Variants in BAAT observed in about 807,000 individuals in gnomAD.
The protein encoded by BAAT is bile acid CoA: amino acid N-acyltransferase (glycine N-choloyltransferase).
A neutral mutation model predicts 18.9 loss-of-function variants in BAAT; 13 were observed. That is an observed-to-expected ratio of 0.69 (90% CI 0.45 to 1.10). The LOEUF is 1.10. Ranked by LOEUF, BAAT falls within the 50% of genes least tolerant of loss-of-function variation. The pLI is 0.00. For synonymous variants in BAAT, 170 were observed against 190.7 expected (o/e 0.89, Z 0.89); for missense variants, 489 against 504.0 (o/e 0.97, Z 0.28).
chr9:101,365,440 T>A (rs1343583137), intron 3 of BAAT, among the ~76,000 whole-genome samples: 1 of 152,124 alleles, frequency 6.6e-6, no homozygotes, highest in Non-Finnish European at 1.5e-5. Context: ...TTTCCTACCC[T>A]GTATATTTAA....
At chr9:101,366,949 T>C (rs1477391119) in intron 3 of BAAT, among the ~76,000 whole-genome samples, 1 of 151,388 alleles carries the variant, frequency 6.6e-6, no homozygotes, top group Non-Finnish European at 1.5e-5. Flanking sequence ...CCGTCTCTAC[T>C]AAAAATACAA....
In BAAT at chr9:101,362,359, C is replaced by T. The variant is rs1829741506; in HGVS notation, c.*69G>A. The T allele has an allele frequency of 6.7e-7, 1 of 1,491,698 alleles. No individual in the cohort carries two copies. Among genetic ancestry groups the T allele is most frequent in the African/African-American group, 1.4e-5 (1 of 72,422 alleles). The allele number at this position is 1,491,698 out of a possible 1,614,324, so 92.4% of individuals were successfully genotyped here. ...TGTGGCAGCTGGGGGAGACATTCCGCCATGAAAATTGAGAGAAGGTCCCGG... is the reference window on the plus strand; with the variant it reads ...TGTGGCAGCTGGGGGAGACATTCCGTCATGAAAATTGAGAGAAGGTCCCGG... On this transcript the variant is annotated 3_prime_UTR_variant, in exon 4 of 4. Coordinates refer to ENST00000259407, the MANE Select transcript of BAAT (RefSeq NM_001701.4).
In BAAT at chr9:101,361,542, G is replaced by T. The variant is rs1033718581; in HGVS notation, c.*886C>A. On this transcript the variant is annotated 3_prime_UTR_variant, in exon 4 of 4. Coordinates refer to ENST00000259407, the MANE Select transcript of BAAT (RefSeq NM_001701.4). The stretch of plus-strand genomic sequence containing the variant: ...AACTATTGGGTCTTACGGAAATATA[G>T]TACCTGTCCTTATAGAGCTCACATT... 1 of 152,558 alleles carries T rather than the reference G, an allele frequency of 6.6e-6. No homozygotes were observed. The highest frequency in any genetic ancestry group is 1.5e-5 in the Non-Finnish European group (1 of 68,034). The allele number at this position is 152,558 out of a possible 1,614,324, so 9.5% of individuals were successfully genotyped here.
rs1829941973 is a variant in BAAT at position 101,371,392 on chromosome 9, T to C, written c.13A>G (p.Thr5Ala). The C allele has an allele frequency of 6.2e-7, 1 of 1,610,108 alleles. No homozygotes were observed. The highest frequency in any genetic ancestry group is 8.5e-7 in the Non-Finnish European group (1 of 1,179,968). MIQL[T>A]ATPVSALVDE... ...ACAAGTGCACTCACAGGGGTAGCTGTCAACTGGATCATTTTTTTAGTGTGG... is the reference window on the plus strand; with the variant it reads ...ACAAGTGCACTCACAGGGGTAGCTGCCAACTGGATCATTTTTTTAGTGTGG... Residue 5 changes from threonine to alanine, a missense_variant, in exon 2 of 4, where the codon ACA becomes GCA. Transcript: ENST00000259407.
rs778142650 is a variant in BAAT, at chr9:101,362,689, G to A, written c.996C>T (p.Asn332=). The part of the protein sequence containing the change: ...FIVGEGDKTI[N]SKAHAEQAIG... ...TGGCTTGTTCAGCGTGTGCTTTGCTGTTGATAGTCTTATCACCTTCTCCTA... is the reference window on the plus strand; with the variant it reads ...TGGCTTGTTCAGCGTGTGCTTTGCTATTGATAGTCTTATCACCTTCTCCTA... The change falls in exon 4 of 4, where the codon AAC becomes AAT. Residue 332 remains asparagine (N), a synonymous_variant. Transcript: ENST00000259407. 1.2e-6 allele frequency: 2 copies of A among 1,614,182 alleles called. No homozygotes were observed. The highest frequency in any genetic ancestry group is 1.7e-6 in the Non-Finnish European group (2 of 1,180,026).
Position 101,362,953 on chromosome 9 carries a change from CATAG to C in BAAT, c.728_731del (p.Ser243TrpfsTer5), listed in dbSNP as rs747287046. ...CTGTGACTTGCTTTAGGTAAATAGC[CATAG>C]ATAGTCCAATCTGTACTCCTTGACA... On this transcript the variant is annotated frameshift_variant, in exon 4 of 4. Coordinates refer to ENST00000259407, the MANE Select transcript of BAAT (RefSeq NM_001701.4). LOFTEE classifies it low-confidence loss of function (END_TRUNC). The C allele has an allele frequency of 2.5e-6, 4 of 1,613,890 alleles. No homozygotes were observed. In the South Asian group the frequency reaches 4.4e-5, roughly 18 times the overall value.
At chr9:101,367,014 A>C (rs970634811) in intron 3 of BAAT, among the ~76,000 whole-genome samples, 1 of 150,348 alleles carries the variant, frequency 6.7e-6, no homozygotes, top group African/African-American at 2.4e-5. Context: ...CAGGAGGCTA[A>C]GGTAGGAAAA....
Position 101,362,526 on chromosome 9 carries a change from C to T in BAAT, c.1159G>A (p.Glu387Lys), listed in dbSNP as rs1417406323. 2 of 1,614,094 alleles carry T rather than the reference C, an allele frequency of 1.2e-6. No homozygotes were observed. Among genetic ancestry groups the T allele is most frequent in the South Asian group, 2.2e-5 (2 of 91,078 alleles). Residue 387 changes from glutamate to lysine, a missense_variant, in exon 4 of 4, where the codon GAG becomes AAG. Physicochemically the swap from Glu to Lys is moderately conservative, Grantham distance 56 (BLOSUM62 1). Transcript: ENST00000259407. ...TGTGCAGCTGCGTGTGGGATCACCT[C>T]TCCTCCCCAGTGTAACCTCAAATCG... is the stretch of plus-strand genomic sequence containing the variant. ...THDLRLHWGG[E>K]VIPHAAAQEH...
In BAAT at chr9:101,362,556, T is replaced by G; in HGVS notation, c.1129A>C (p.Thr377Pro). 6.2e-7 allele frequency: 1 copy of G among 1,614,008 alleles called. No individual in the cohort carries two copies. Among genetic ancestry groups the G allele is most frequent in the Non-Finnish European group, 8.5e-7 (1 of 1,179,998 alleles). Residue 377 changes from threonine (T) to proline (P), a missense_variant, in exon 4 of 4, where the codon ACC becomes CCC. By Grantham distance (38) the Thr-to-Pro change is conservative. Transcript: ENST00000259407. ...CCCCAGTGTAACCTCAAATCGTGGG[T>G]CGTTGAGGCACAGCACAGAGGAGAA... ...PYSPLCCAST[T>P]HDLRLHWGGE... is the part of the protein sequence containing the mutation.
intron 3 of BAAT, among the ~76,000 whole-genome samples, chr9:101,366,863 A>G (rs1272209582): frequency 1.3e-5 from 2 of 151,894 alleles, no homozygotes; most frequent in African/African-American, 2.4e-5. Context: ...CTTATTAAAA[A>G]AAAAAATAGA....
At chr9:101,382,233 C>CTGAAAT (rs1025593892) in intron 1 of BAAT, among the ~76,000 whole-genome samples, 3 of 152,128 alleles carry the variant, frequency 2.0e-5, no homozygotes, top group African/African-American at 7.2e-5. Context: ...ATAAAAACAC[C>CTGAAAT]TGAAATTGAT....
chr9:101,384,884 A>G lies in BAAT; in HGVS notation c.-89T>C, dbSNP rs1830181248. Reference sequence around the variant, plus strand: ...CAAGAGAACCTGCCCCCAAAATTTCAGCGTAGGTTCTATTTTCCCTAAGTG... The same window carrying G: ...CAAGAGAACCTGCCCCCAAAATTTCGGCGTAGGTTCTATTTTCCCTAAGTG... On this transcript the variant is annotated 5_prime_UTR_variant, in exon 1 of 4. Transcript: ENST00000259407. 1.3e-5 allele frequency among the ~76,000 whole-genome samples: 2 copies of G among 152,148 alleles called. No homozygotes were observed. Among genetic ancestry groups the G allele is most frequent in the South Asian group, 4.1e-4 (2 of 4,832 alleles).
At chr9:101,374,748 A>G (rs1398870089) in intron 1 of BAAT, among the ~76,000 whole-genome samples, 2 of 152,172 alleles carry the variant, frequency 1.3e-5, no homozygotes, top group Middle Eastern at 3.2e-3. Context: ...AGTCAAATAG[A>G]TAATTGTTCT....
At chr9:101,367,108 CAAAAAAAGA>C (rs1829842657) in intron 3 of BAAT, among the ~76,000 whole-genome samples, 2 of 39,330 alleles carry the variant, frequency 5.1e-5, no homozygotes, top group East Asian at 7.6e-4. Context: ...GAGACTCTGT[CAAAAAAAGA>C]AAAAAAAAAA....
chr9:101,375,720 C>G (rs1830029811), intron 1 of BAAT: 1 of 152,968 alleles, frequency 6.5e-6, no homozygotes, highest in African/African-American at 2.4e-5. Context: ...GAAGTTTCTG[C>G]TATTTGCAGT....
chr9:101,377,128 CTT>C (rs1331840199), intron 1 of BAAT, among the ~76,000 whole-genome samples: 1 of 152,140 alleles, frequency 6.6e-6, no homozygotes, highest in Non-Finnish European at 1.5e-5. Context: ...TTAGTTTTCT[CTT>C]TTGAACAAGA....
intron 2 of BAAT, among the ~76,000 whole-genome samples, chr9:101,369,633 G>T (rs1400958256): frequency 6.6e-6 from 1 of 152,148 alleles, no homozygotes; most frequent in Non-Finnish European, 1.5e-5. Flanking sequence ...TTTAACTGGG[G>T]TGGGATAATA....
At chr9:101,363,067 C>A in intron 3 of BAAT, 52 bp from the exon 4 acceptor site, 2 of 1,533,970 alleles carry the variant, frequency 1.3e-6, no homozygotes, top group East Asian at 2.3e-5. Flanking sequence ...TTTAGGAAAA[C>A]TCCACAATCT....
At chr9:101,369,491 T>G (rs918647591) in intron 2 of BAAT, among the ~76,000 whole-genome samples, 1 of 152,156 alleles carries the variant, frequency 6.6e-6, no homozygotes, top group Non-Finnish European at 1.5e-5. Context: ...TCAGCTCTCT[T>G]TTGTTCCCCC....
Sources: gnomAD v4.1 joint callset for allele counts (sites outside exome capture counted in the v4.1 genomes callset) on GRCh38, gnomAD v4.1.1 for gene constraint, MANE v1.5 for transcripts, NCBI Gene and HGNC (gene_info 2026-07-23, HGNC 2026-07-21) for gene names.